The following SNX19 variants were observed in gnomAD, a reference collection of about 807,000 sequenced individuals.
The protein encoded by SNX19 is sorting nexin 19.
Under a neutral mutation model 85.2 loss-of-function variants are expected in SNX19, and 60 were observed. The observed-to-expected ratio is 0.70, with a 90% CI of 0.57 to 0.87. SNX19 has a LOEUF of 0.87. Ranked by LOEUF, SNX19 falls within the 40% of genes least tolerant of loss-of-function variation. The pLI, the probability that SNX19 is intolerant of heterozygous loss-of-function variation, is 0.00. For synonymous variants in SNX19, 520 were observed against 470.0 expected, an observed-to-expected ratio of 1.11 and a Z score of -1.38; for missense variants, 1,201 against 1,217.8, an observed-to-expected ratio of 0.99 and a Z score of 0.21.
In SNX19 at chr11:130,914,606, G is replaced by C. The variant is rs1456878298; in HGVS notation, c.1334C>G (p.Pro445Arg). ...GTCTGCTGTGTCAATATGGATCTCT[G>C]GGCAGGAATTCAGTGTGGAGACCGG... is the stretch of plus-strand genomic sequence containing the variant. Reference protein sequence around the residue: ...GLPVSTLNSCPEIHIDTADKE... With the variant: ...GLPVSTLNSCREIHIDTADKE... Residue 445 changes from proline (P) to arginine (R), a missense_variant, in exon 1 of 11, where the codon CCA (proline) becomes CGA (arginine). Pro to Arg is a moderately radical substitution (Grantham distance 103). Around this residue, in one of 3 missense-constraint regions of SNX19, gnomAD observed 791 missense variants for 750.9 expected, o/e 1.05. Transcript: ENST00000265909. 1 of 1,613,792 alleles carries C rather than the reference G, an allele frequency of 6.2e-7. No homozygotes were observed. Among genetic ancestry groups the C allele is most frequent in the Non-Finnish European group, 8.5e-7 (1 of 1,179,870 alleles).
chr11:130,879,720 GAAA>G lies in SNX19; in HGVS notation c.2759-12_2759-10del, dbSNP rs1226659083. ...AATTTCTACTACGAGATCTGAGGAG[GAAA>G]AAACAGATGGAATTTGCGTGTTATC... On this transcript the variant is annotated splice_polypyrimidine_tract_variant and intron_variant, in intron 9 of 10. Transcript: ENST00000265909. 6 of 1,612,746 alleles carry G rather than the reference GAAA, an allele frequency of 3.7e-6. No individual in the cohort carries two copies. The Admixed American group carries it at 5.0e-5, about 13-fold the overall frequency.
chr11:130,908,221 G>A, intron 4 of SNX19, 138 bp from the exon 5 acceptor site: 2 of 909,566 alleles, frequency 2.2e-6, no homozygotes, highest in South Asian at 4.3e-5. Flanking sequence ...TATCCAGTAG[G>A]AAGGTCGAAT....
intron 1 of SNX19, 94 bp from the exon 2 acceptor site, chr11:130,911,865 A>T: frequency 8.1e-7 from 1 of 1,238,510 alleles, no homozygotes. Flanking sequence ...GCCACATAGC[A>T]AGAGTACGAA....
rs1438025355 is a variant in SNX19, at chr11:130,906,039, T to TC, written c.2356dup (p.Asp786GlyfsTer3). On this transcript the variant is annotated frameshift_variant, in exon 7 of 11. Transcript: ENST00000265909. LOFTEE classifies it high-confidence loss of function. Reference sequence around the variant, plus strand: ...ACGTCCTTTGGGAGGTTGTTCAGGATCTTTTTCTGGGGCTTTTGTTGGCTG... The same window carrying TC: ...ACGTCCTTTGGGAGGTTGTTCAGGATCCTTTTTCTGGGGCTTTTGTTGGCTG... The TC allele has an allele frequency of 6.2e-7, 1 of 1,614,178 alleles. No homozygotes were observed. The highest frequency in any genetic ancestry group is 1.7e-5 in the Admixed American group (1 of 60,020).
chr11:130,906,819 ATCC>A, intron 5 of SNX19, 98 bp from the exon 6 acceptor site: 1 of 854,668 alleles, frequency 1.2e-6, no homozygotes, highest in Non-Finnish European at 1.9e-6. Context: ...CAACAAGAAT[ATCC>A]ATACTTATTC....
chr11:130,900,064 G>C (rs1244069249), intron 8 of SNX19, among the ~76,000 whole-genome samples: 4 of 152,210 alleles, frequency 2.6e-5, no homozygotes, highest in Non-Finnish European at 5.9e-5. Flanking sequence ...TGGAGTTGTG[G>C]TTGTAGTTGG....
Position 130,915,925 on chromosome 11 carries a change from TG to T in SNX19, c.14del (p.Thr5LysfsTer20). Reference protein sequence around the residue: MKTETVPPFQETPAG... With the variant: MKTEXVPPFQETPAG... ...CTGGAGTTTCCTGGAACGGTGGCAC[TG>T]TTTCTGTCTTCATGGCTGAACGGAC... On this transcript the variant is annotated frameshift_variant, in exon 1 of 11. Coordinates refer to ENST00000265909, the MANE Select transcript of SNX19 (RefSeq NM_014758.3). LOFTEE classifies it high-confidence loss of function. 6.2e-7 allele frequency: 1 copy of T among 1,613,772 alleles called. No homozygotes were observed. Among genetic ancestry groups the T allele is most frequent in the Non-Finnish European group, 8.5e-7 (1 of 1,179,752 alleles).
intron 5 of SNX19, among the ~76,000 whole-genome samples, chr11:130,907,091 G>C (rs1945729525): frequency 6.6e-6 from 1 of 152,198 alleles, no homozygotes; most frequent in South Asian, 2.1e-4. Context: ...AGGTGGCATA[G>C]AGCAAGTTTT....
chr11:130,905,541 C>A (rs1193357908), intron 7 of SNX19: 2 of 727,766 alleles, frequency 2.7e-6, no homozygotes, highest in Middle Eastern at 4.3e-4. Context: ...CAAGCTCTGG[C>A]AGGTGGATCA....
Position 130,911,632 on chromosome 11 carries a change from C to A in SNX19, c.1813+1G>T. ...CAGTAGGGGTTGGGGAAACTCCTGA[C>A]TTTTGATGAACTTTCGTAGATCTGG... is the stretch of plus-strand genomic sequence containing the variant. On this transcript the variant is annotated splice_donor_variant, in intron 2 of 10. Coordinates refer to ENST00000265909, the MANE Select transcript of SNX19 (RefSeq NM_014758.3). LOFTEE classifies it high-confidence loss of function. 6.2e-7 allele frequency: 1 copy of A among 1,614,096 alleles called. No homozygotes were observed. Among genetic ancestry groups the A allele is most frequent in the Non-Finnish European group, 8.5e-7 (1 of 1,179,986 alleles).
chr11:130,905,667 T>A, intron 7 of SNX19: 1 of 1,505,062 alleles, frequency 6.6e-7, no homozygotes, highest in Non-Finnish European at 8.9e-7. Flanking sequence ...TGCCAAAGCA[T>A]GCCAAAAATA....
intron 8 of SNX19, among the ~76,000 whole-genome samples, chr11:130,902,292 T>G (rs968327645): frequency 5.9e-5 from 9 of 152,252 alleles, no homozygotes; most frequent in Admixed American, 3.3e-4. Context: ...TGCATCATCT[T>G]CTTTCACTTG....
Position 130,915,455 on chromosome 11 carries a change from CAG to C in SNX19, c.483_484del (p.Cys162ArgfsTer22), listed in dbSNP as rs765454501. On this transcript the variant is annotated frameshift_variant, in exon 1 of 11. Transcript: ENST00000265909. LOFTEE classifies it high-confidence loss of function. ...AATGTAGCTCTGCAGGTGACAACCGCAGAGAGTCAGAACACTCTGGGCAACAG... is the reference window on the plus strand; with the variant it reads ...AATGTAGCTCTGCAGGTGACAACCGCAGAGTCAGAACACTCTGGGCAACAG... 50 of 1,613,952 alleles carry C rather than the reference CAG, an allele frequency of 3.1e-5. No homozygotes were observed. The highest frequency in any genetic ancestry group is 1.7e-4 in the Middle Eastern group (1 of 5,970).
chr11:130,904,096 A>T (rs1273402516), intron 7 of SNX19, among the ~76,000 whole-genome samples: 1 of 152,178 alleles, frequency 6.6e-6, no homozygotes, highest in African/African-American at 2.4e-5. Flanking sequence ...CCTGTTTCAA[A>T]GACTGTAAGG....
chr11:130,915,298 G>A lies in SNX19; in HGVS notation c.642C>T (p.Gly214=), dbSNP rs563508695. The part of the protein sequence containing the change: ...SPSAEVTYTR[G]VVNLLLQGLV... ...GCCCTTGAAGCAACAAATTCACAACGCCACGCGTATAGGTGACTTCAGCAC... is the reference window on the plus strand; with the variant it reads ...GCCCTTGAAGCAACAAATTCACAACACCACGCGTATAGGTGACTTCAGCAC... The change falls in exon 1 of 11, where the codon GGC becomes GGT. Residue 214 remains glycine (G), a synonymous_variant. Transcript: ENST00000265909. 3.0e-5 allele frequency: 48 copies of A among 1,614,150 alleles called. No individual in the cohort carries two copies. Among genetic ancestry groups the A allele is most frequent in the Middle Eastern group, 1.6e-4 (1 of 6,062 alleles).
Position 130,914,258 on chromosome 11 carries a change from C to T in SNX19, c.1674+8G>A. 6.5e-7 allele frequency: 1 copy of T among 1,535,996 alleles called. No homozygotes were observed. The highest frequency in any genetic ancestry group is 8.8e-7 in the Non-Finnish European group (1 of 1,140,234). Reference sequence around the variant, plus strand: ...CCGGGTGAGCACCCACAGCTTTAATCCTGTTACCTTCACAGTATAGAGTGT... The same window carrying T: ...CCGGGTGAGCACCCACAGCTTTAATTCTGTTACCTTCACAGTATAGAGTGT... On this transcript the variant is annotated splice_region_variant and intron_variant, in intron 1 of 10. Transcript: ENST00000265909.
rs1942931837 is a variant in SNX19, at chr11:130,869,609, T to C, written c.*8813A>G. On this transcript the variant is annotated 3_prime_UTR_variant, in exon 11 of 11. Transcript: ENST00000265909. Reference sequence around the variant, plus strand: ...TTTCTGAGTCTCAGAATCTGGGACTTAAAATCAGGGGAAGAGATGTGAATG... The same window carrying C: ...TTTCTGAGTCTCAGAATCTGGGACTCAAAATCAGGGGAAGAGATGTGAATG... The C allele has an allele frequency of 6.6e-6, 1 of 152,182 alleles. No individual in the cohort carries two copies. The highest frequency in any genetic ancestry group is 1.5e-5 in the Non-Finnish European group (1 of 68,030). 9.4% of individuals were successfully genotyped at this position (152,182 alleles called of 1,614,324 possible).
In SNX19 at chr11:130,914,287, T is replaced by C; in HGVS notation, c.1653A>G (p.Pro551=). 1 of 1,592,648 alleles carries C rather than the reference T, an allele frequency of 6.3e-7. No homozygotes were observed. Among genetic ancestry groups the C allele is most frequent in the East Asian group, 2.2e-5 (1 of 44,752 alleles). The change falls in exon 1 of 11, where the codon CCA becomes CCG. Residue 551 remains proline, a synonymous_variant. Transcript: ENST00000265909. ...AREHSGTGFH[P]YTLYTVKYET... ...TTACCTTCACAGTATAGAGTGTGTA[T>C]GGGTGGAATCCAGTGCCACTGTGCT...
chr11:130,882,892 T>C (rs907530270), intron 8 of SNX19, among the ~76,000 whole-genome samples: 9 of 152,204 alleles, frequency 5.9e-5, no homozygotes, highest in Non-Finnish European at 8.8e-5. Flanking sequence ...TCTTGCAAAC[T>C]AAAATCTTTA....
Sources: allele counts gnomAD v4.1 joint callset (sites outside exome capture counted in the v4.1 genomes callset), GRCh38; gene constraint gnomAD v4.1.1; regional missense constraint gnomAD v4.1.1; transcripts MANE v1.5; gene names NCBI Gene and HGNC (gene_info 2026-07-23, HGNC 2026-07-21).